The following BICC1 variants were observed in gnomAD, a reference collection of about 807,000 sequenced individuals.
BICC1 encodes the protein BicC family RNA binding protein 1, also known as protein bicaudal C homolog 1.
Under a neutral mutation model 111.0 loss-of-function variants are expected in BICC1, and 43 were observed. The observed-to-expected ratio is 0.39, with a 90% CI of 0.30 to 0.50. The LOEUF (loss-of-function observed/expected upper bound fraction) is 0.50, where lower values mean the gene tolerates loss of function less well. Among genes scored for constraint, BICC1 ranks in the 20% least tolerant of loss-of-function variants. The pLI is 0.88. For missense variants in BICC1, 1,091 were observed against 1,203.2 expected, an observed-to-expected ratio of 0.91 and a Z score of 1.38; for synonymous variants, 467 against 434.4, an observed-to-expected ratio of 1.07 and a Z score of -0.93.
intron 1 of BICC1, among the ~76,000 whole-genome samples, chr10:58,524,865 G>GA (rs1434932306): frequency 1.3e-5 from 2 of 152,072 alleles, no homozygotes; most frequent in Non-Finnish European, 2.9e-5. Context: ...AAATTTACAA[G>GA]AAAAAATCAA....
chr10:58,658,915 A>G (rs1564536949), intron 2 of BICC1, among the ~76,000 whole-genome samples: 1 of 152,128 alleles, frequency 6.6e-6, no homozygotes, highest in Non-Finnish European at 1.5e-5. Context: ...TCAGTGGGTT[A>G]ATTGGCACTA....
At chr10:58,802,994 G>A (rs1843595870) in intron 14 of BICC1, 83 bp from the exon 15 acceptor site, 1 of 1,291,186 alleles carries the variant, frequency 7.7e-7, no homozygotes, top group Non-Finnish European at 1.0e-6. Flanking sequence ...TGATAAACAT[G>A]CATAGTAAAT....
At chr10:58,797,466 A>C (rs886457842) in intron 10 of BICC1, among the ~76,000 whole-genome samples, 4 of 152,192 alleles carry the variant, frequency 2.6e-5, no homozygotes, top group African/African-American at 9.6e-5. Flanking sequence ...TCATTAAAGA[A>C]AGATTTTTTT....
At chr10:58,640,888 A>G (rs924925259) in intron 2 of BICC1, among the ~76,000 whole-genome samples, 27 of 152,364 alleles carry the variant, frequency 1.8e-4, no homozygotes, top group African/African-American at 6.5e-4. Context: ...ATTTTGAGGG[A>G]CAGCTAAATT....
intron 1 of BICC1, among the ~76,000 whole-genome samples, chr10:58,560,375 C>A (rs916779185): frequency 6.6e-6 from 1 of 151,874 alleles, no homozygotes; most frequent in Non-Finnish European, 1.5e-5. Flanking sequence ...AAGCGCTGAT[C>A]TTTTGTATTT....
In BICC1 at chr10:58,745,608, C is replaced by CCG. The variant is rs1554827845; in HGVS notation, c.308-39392_308-39391insGC. Reference sequence around the variant, plus strand: ...GCTCTAAGAGCCCCCCACCGCCCCCCCCCCACATTTTTTTCTGATGGCTCC... The same window carrying CCG: ...GCTCTAAGAGCCCCCCACCGCCCCCCCGCCCCACATTTTTTTCTGATGGCTCC... On this transcript the variant is annotated intron_variant, in intron 3 of 20. Coordinates refer to ENST00000373886, the MANE Select transcript of BICC1 (RefSeq NM_001080512.3). Among the ~76,000 whole-genome samples the CCG allele has an allele frequency of 3.1e-5, 4 of 128,866 alleles. 1 individual carries two copies. Among genetic ancestry groups the CCG allele is most frequent in the African/African-American group, 1.1e-4 (4 of 35,524 alleles). 84.5% of individuals were successfully genotyped at this position (128,866 alleles called of 152,430 possible). A position where few individuals can be genotyped will look rare whatever the true frequency, so the allele number is the denominator to read the frequency against.
chr10:58,719,512 CTTT>C (rs61590839), intron 3 of BICC1, among the ~76,000 whole-genome samples: 1 of 146,900 alleles, frequency 6.8e-6, no homozygotes, highest in African/African-American at 2.5e-5. Flanking sequence ...GGGCACTTTT[CTTT>C]TTTTTTTTTG....
At chr10:58,600,081 T>C (rs919994677) in intron 1 of BICC1, among the ~76,000 whole-genome samples, 4 of 152,122 alleles carry the variant, frequency 2.6e-5, no homozygotes, top group African/African-American at 4.8e-5. Flanking sequence ...TCCTAATTGC[T>C]GATGGGGAAG....
At chr10:58,702,680 G>T (rs1221191222) in intron 3 of BICC1, among the ~76,000 whole-genome samples, 1 of 152,174 alleles carries the variant, frequency 6.6e-6, no homozygotes, top group Admixed American at 6.5e-5. Flanking sequence ...TAGATGTTCA[G>T]AAATGAAACT....
intron 4 of BICC1, 40 bp downstream of exon 4, chr10:58,785,120 T>G: frequency 3.2e-6 from 4 of 1,253,794 alleles, no homozygotes; most frequent in Non-Finnish European, 4.5e-6. Context: ...CAGAACCTTG[T>G]CTCTACAAGG....
At chr10:58,607,317 A>AAAATAAATAAAATAAATAAATAAAT (rs1845255200) in intron 1 of BICC1, among the ~76,000 whole-genome samples, 1 of 134,674 alleles carries the variant, frequency 7.4e-6, no homozygotes, top group Non-Finnish European at 1.6e-5. Flanking sequence ...ACTCTGTCTC[A>AAAATAAATAAAATAAATAAATAAAT]AAATAAATAA....
intron 1 of BICC1, among the ~76,000 whole-genome samples, chr10:58,581,383 T>A (rs1039261703): frequency 2.0e-5 from 3 of 152,216 alleles, no homozygotes; most frequent in Non-Finnish European, 4.4e-5. Context: ...TCTATATACA[T>A]GCTTAATATT....
intron 1 of BICC1, among the ~76,000 whole-genome samples, chr10:58,531,548 A>G (rs1393526033): frequency 6.6e-6 from 1 of 151,852 alleles, no homozygotes; most frequent in Admixed American, 6.6e-5. Flanking sequence ...AATATGGTCC[A>G]ATCAGAAGAA....
At chr10:58,539,373 A>C (rs951710803) in intron 1 of BICC1, among the ~76,000 whole-genome samples, 1 of 151,544 alleles carries the variant, frequency 6.6e-6, no homozygotes, top group African/African-American at 2.4e-5. Flanking sequence ...TATAATGTAC[A>C]TTGGAGACTC....
intron 2 of BICC1, among the ~76,000 whole-genome samples, chr10:58,676,344 C>T (rs7092092): frequency 2.0e-5 from 3 of 152,170 alleles, no homozygotes; most frequent in South Asian, 2.1e-4. Flanking sequence ...GATCCCACCC[C>T]GATGGAGCCC....
chr10:58,586,833 G>A (rs1367025751), intron 1 of BICC1, among the ~76,000 whole-genome samples: 2 of 152,152 alleles, frequency 1.3e-5, no homozygotes, highest in East Asian at 1.9e-4. Context: ...CTGCAAGTGC[G>A]TGTAAATCAA....
chr10:58,779,267 T>G (rs988035162), intron 3 of BICC1, among the ~76,000 whole-genome samples: 1 of 152,216 alleles, frequency 6.6e-6, no homozygotes, highest in Non-Finnish European at 1.5e-5. Context: ...AGATAGGGTT[T>G]GAAGTAGACT....
chr10:58,783,010 C>G (rs144378515), intron 3 of BICC1, among the ~76,000 whole-genome samples: 1,546 of 152,294 alleles, frequency 0.01, 13 homozygotes, highest in Non-Finnish European at 0.016. Flanking sequence ...TTGGGTTGGT[C>G]AGACGCCCCT....
chr10:58,728,033 G>A (rs949508861), intron 3 of BICC1, among the ~76,000 whole-genome samples: 2 of 152,198 alleles, frequency 1.3e-5, no homozygotes, highest in African/African-American at 4.8e-5. Context: ...TTTGCTGGTG[G>A]AGGGTCTTAC....
Sources: gnomAD v4.1 joint callset for allele counts (sites outside exome capture counted in the v4.1 genomes callset) on GRCh38, gnomAD v4.1.1 for gene constraint, MANE v1.5 for transcripts, NCBI Gene and HGNC (gene_info 2026-07-23, HGNC 2026-07-21) for gene names.